TMC1: variants seen among roughly 807,000 people sequenced by gnomAD.
TMC1 encodes transmembrane channel-like protein 1.
In TMC1, 84 loss-of-function variants were observed where a neutral mutation model predicts 105.8. That is an observed-to-expected ratio of 0.79 (90% CI 0.67 to 0.95). The LOEUF (loss-of-function observed/expected upper bound fraction) is 0.95, where lower values mean the gene tolerates loss of function less well. TMC1 is among the 40% of genes least tolerant of loss of function. TMC1 has a pLI of 0.00. For missense variants in TMC1, 817 were observed against 914.1 expected (o/e 0.89, Z 1.37); for synonymous variants, 315 against 311.5 (o/e 1.01, Z -0.12).
intron 10 of TMC1, among the ~76,000 whole-genome samples, chr9:72,749,283 A>G (rs2118047296): frequency 6.6e-6 from 1 of 152,350 alleles, no homozygotes; most frequent in South Asian, 2.1e-4. Flanking sequence ...AGTATCCTAT[A>G]TGCGGGATTT....
At chr9:72,561,285 T>A (rs953963276) in intron 1 of TMC1, among the ~76,000 whole-genome samples, 5 of 121,318 alleles carry the variant, frequency 4.1e-5, no homozygotes, top group Non-Finnish European at 7.8e-5. Flanking sequence ...GCCACTGCAC[T>A]CCAGCCTGGG....
intron 2 of TMC1, among the ~76,000 whole-genome samples, chr9:72,603,705 A>G (rs1301543798): frequency 1.3e-5 from 2 of 151,886 alleles, no homozygotes; most frequent in Non-Finnish European, 2.9e-5. Flanking sequence ...CCCCGCCACC[A>G]TGTCCAGCTA....
intron 1 of TMC1, among the ~76,000 whole-genome samples, chr9:72,531,733 G>A (rs1166160320): frequency 6.6e-6 from 1 of 152,084 alleles, no homozygotes; most frequent in Non-Finnish European, 1.5e-5. Context: ...ATAATTTACT[G>A]AATTCCTACT....
chr9:72,806,515 C>T (rs891235863), intron 18 of TMC1, among the ~76,000 whole-genome samples: 1 of 149,010 alleles, frequency 6.7e-6, no homozygotes, highest in African/African-American at 2.5e-5. Flanking sequence ...GGGGCGGCTG[C>T]CGGGCGGAGG....
At chr9:72,585,043 C>T (rs1824532824) in intron 2 of TMC1, among the ~76,000 whole-genome samples, 1 of 151,916 alleles carries the variant, frequency 6.6e-6, no homozygotes, top group Non-Finnish European at 1.5e-5. Context: ...CCTCGACCTC[C>T]CAAAGTGCTG....
At chr9:72,724,449 T>C (rs774742634) in intron 8 of TMC1, among the ~76,000 whole-genome samples, 3 of 152,214 alleles carry the variant, frequency 2.0e-5, no homozygotes, top group Non-Finnish European at 4.4e-5. Context: ...AATTATCTCT[T>C]AAAGGTCCCA....
At chr9:72,834,549 G>A (rs528458307) in intron 23 of TMC1, among the ~76,000 whole-genome samples, 33 of 152,068 alleles carry the variant, frequency 2.2e-4, no homozygotes, top group African/African-American at 2.2e-4. Context: ...AATTACTTCC[G>A]AACTCCTGCC....
At chr9:72,760,043 T>C (rs1313524361) in intron 12 of TMC1, among the ~76,000 whole-genome samples, 6 of 152,184 alleles carry the variant, frequency 3.9e-5, no homozygotes, top group Non-Finnish European at 8.8e-5. Context: ...TCAAATAGAA[T>C]GAGAGCTTTC....
chr9:72,544,277 A>G (rs1823727748), intron 1 of TMC1, among the ~76,000 whole-genome samples: 1 of 151,792 alleles, frequency 6.6e-6, no homozygotes, highest in African/African-American at 2.4e-5. Flanking sequence ...TGTGCTTAAC[A>G]TAAAGTTTAA....
In TMC1 at chr9:72,810,359, T is replaced by G. The variant is rs1282655862; in HGVS notation, c.1695+4849T>G. ...GTCCTTTCTACTGTATGCATGCATG[T>G]GCATGTATACACACACACAAAGCAC... is the stretch of plus-strand genomic sequence containing the variant. On this transcript the variant is annotated intron_variant, in intron 18 of 23. Coordinates refer to ENST00000297784, the MANE Select transcript of TMC1 (RefSeq NM_138691.3). Among the ~76,000 whole-genome samples the G allele has an allele frequency of 1.3e-5, 2 of 152,138 alleles. 1 individual carries two copies. The highest frequency in any genetic ancestry group is 2.9e-5 in the Non-Finnish European group (2 of 68,024).
chr9:72,587,837 G>A (rs1824578700), intron 2 of TMC1, among the ~76,000 whole-genome samples: 1 of 150,546 alleles, frequency 6.6e-6, no homozygotes, highest in Non-Finnish European at 1.5e-5. Context: ...CCAGGCTGGA[G>A]TGCAGTGGCG....
chr9:72,652,617 G>A (rs536091517), intron 5 of TMC1, among the ~76,000 whole-genome samples: 22 of 152,110 alleles, frequency 1.4e-4, no homozygotes, highest in Non-Finnish European at 2.8e-4. Context: ...ACCAACCCGG[G>A]GAACGTCTGT....
intron 6 of TMC1, among the ~76,000 whole-genome samples, chr9:72,689,202 T>C (rs1356347264): frequency 1.3e-5 from 2 of 152,244 alleles, no homozygotes; most frequent in South Asian, 2.1e-4. Flanking sequence ...ACAAGGCCTG[T>C]CTGCCTAGAT....
At chr9:72,808,784 CCT>C (rs1771699393) in intron 18 of TMC1, 1 of 152,212 alleles carries the variant, frequency 6.6e-6, no homozygotes, top group African/African-American at 2.4e-5. Context: ...GAGGGAATAT[CCT>C]TTATAGCTGA....
intron 19 of TMC1, among the ~76,000 whole-genome samples, chr9:72,816,833 A>T (rs949210132): frequency 2.0e-5 from 3 of 152,182 alleles, no homozygotes; most frequent in African/African-American, 7.2e-5. Flanking sequence ...TTGACAGGTT[A>T]AGATGAGTCG....
chr9:72,670,899 ATGG>A (rs1374156314), intron 5 of TMC1, among the ~76,000 whole-genome samples: 2 of 152,238 alleles, frequency 1.3e-5, no homozygotes, highest in Non-Finnish European at 2.9e-5. Flanking sequence ...TATGTATGAA[ATGG>A]TGTAGTATCA....
chr9:72,590,049 C>G (rs2132105064), intron 2 of TMC1, among the ~76,000 whole-genome samples: 1 of 152,324 alleles, frequency 6.6e-6, no homozygotes, highest in African/African-American at 2.4e-5. Flanking sequence ...GGCTGCCTCT[C>G]CTCCTTGTCC....
At chr9:72,623,371 G>T (rs1360104047) in intron 3 of TMC1, among the ~76,000 whole-genome samples, 1 of 152,050 alleles carries the variant, frequency 6.6e-6, no homozygotes, top group Non-Finnish European at 1.5e-5. Context: ...GGAAATCGTG[G>T]TCTATGGGCT....
chr9:72,650,890 A>ATATATATATATATATC (rs1564468483), intron 5 of TMC1, among the ~76,000 whole-genome samples: 3 of 139,630 alleles, frequency 2.1e-5, no homozygotes, highest in African/African-American at 8.1e-5. Context: ...ATAGATATAT[A>ATATATATATATATATC]GATATATATA....
Sources: gnomAD v4.1 joint callset for allele counts (sites outside exome capture counted in the v4.1 genomes callset) on GRCh38, gnomAD v4.1.1 for gene constraint, MANE v1.5 for transcripts, NCBI Gene and HGNC (gene_info 2026-07-23, HGNC 2026-07-21) for gene names.